NALF1: variants seen among roughly 807,000 people sequenced by gnomAD.
The protein encoded by NALF1 is NALCN channel auxiliary factor 1, also known as family with sequence similarity 155 member A.
In NALF1, 3 loss-of-function variants were observed where a neutral mutation model predicts 48.4. The ratio of observed to expected loss-of-function variants is 0.06; its 90% CI spans 0.03 to 0.16. The LOEUF (loss-of-function observed/expected upper bound fraction) is 0.16, where lower values mean the gene tolerates loss of function less well. Ranked by LOEUF, NALF1 falls within the 10% of genes least tolerant of loss-of-function variation. NALF1 has a pLI of 1.00. For missense variants in NALF1, 526 were observed against 571.5 expected, an observed-to-expected ratio of 0.92 and a Z score of 0.81; for synonymous variants, 262 against 245.7, an observed-to-expected ratio of 1.07 and a Z score of -0.62.
At chr13:107,662,614 A>T (rs555021189) in intron 1 of NALF1, among the ~76,000 whole-genome samples, 1 of 152,216 alleles carries the variant, frequency 6.6e-6, no homozygotes, top group Non-Finnish European at 1.5e-5. Flanking sequence ...CAAGAACCAC[A>T]TCCATTAAAA....
intron 1 of NALF1, among the ~76,000 whole-genome samples, chr13:107,738,241 A>G (rs1207269698): frequency 6.6e-6 from 1 of 152,230 alleles, no homozygotes; most frequent in Non-Finnish European, 1.5e-5. Context: ...GAGGTGACCG[A>G]AAACACTTTC....
At chr13:107,796,733 C>T (rs2138592245) in intron 1 of NALF1, among the ~76,000 whole-genome samples, 1 of 152,184 alleles carries the variant, frequency 6.6e-6, no homozygotes, top group Middle Eastern at 3.4e-3. Flanking sequence ...CCCATTCCAA[C>T]TTATTCTCCA....
chr13:107,827,183 T>G (rs1414819858), intron 1 of NALF1, among the ~76,000 whole-genome samples: 1 of 152,328 alleles, frequency 6.6e-6, no homozygotes, highest in Admixed American at 6.5e-5. Flanking sequence ...CAAATCAATA[T>G]TATTTGAGTC....
At chr13:107,772,014 C>A (rs1336403227) in intron 1 of NALF1, among the ~76,000 whole-genome samples, 2 of 152,128 alleles carry the variant, frequency 1.3e-5, no homozygotes, top group African/African-American at 4.8e-5. Flanking sequence ...GGGTTACAGA[C>A]ATGAGAACAA....
chr13:107,830,430 A>G (rs1054375066), intron 1 of NALF1, among the ~76,000 whole-genome samples: 2 of 152,192 alleles, frequency 1.3e-5, no homozygotes, highest in African/African-American at 4.8e-5. Context: ...CAATCGCTCC[A>G]TATCCCTGCC....
Position 107,187,742 on chromosome 13 carries a change from T to C in NALF1, c.1088-16956A>G, listed in dbSNP as rs139958858. Among the ~76,000 whole-genome samples the C allele has an allele frequency of 5.7e-3, 873 of 152,340 alleles. 3 individuals carry two copies. The highest frequency in any genetic ancestry group is 8.9e-3 in the Non-Finnish European group (604 of 68,032). ...CTCAGTAATTCCCCCAAACAAATCC[T>C]GATCACCCATGGGTCCTATGGGAAG... On this transcript the variant is annotated intron_variant, in intron 2 of 2. Coordinates refer to ENST00000375915, the MANE Select transcript of NALF1 (RefSeq NM_001080396.3).
chr13:107,537,548 C>T (rs531146340), intron 1 of NALF1, among the ~76,000 whole-genome samples: 114 of 152,132 alleles, frequency 7.5e-4, no homozygotes, highest in Admixed American at 2.1e-3. Flanking sequence ...ATACAGTTGT[C>T]GTCTTATATC....
chr13:107,851,150 T>A (rs1370225033), intron 1 of NALF1, among the ~76,000 whole-genome samples: 1 of 152,180 alleles, frequency 6.6e-6, no homozygotes, highest in Non-Finnish European at 1.5e-5. Flanking sequence ...TCAAGTGGAA[T>A]CTTCTCTCTT....
At chr13:107,234,103 C>T (rs1240993877) in intron 1 of NALF1, among the ~76,000 whole-genome samples, 1 of 152,164 alleles carries the variant, frequency 6.6e-6, no homozygotes, top group Non-Finnish European at 1.5e-5. Flanking sequence ...AAATTAAATA[C>T]TAGGGCCAGT....
rs114459832 is a variant in NALF1, at chr13:107,340,558, C to T, written c.916-129803G>A. Among the ~76,000 whole-genome samples the T allele has an allele frequency of 8.5e-3, 1,253 of 147,934 alleles. 19 individuals carry two copies. Among genetic ancestry groups the T allele is most frequent in the African/African-American group, 0.03 (1,183 of 39,822 alleles). ...TTTAATATCAAGCTAGAAAATAAAA[C>T]GTGAAAGGAAGAAGGGATTTACAGG... On this transcript the variant is annotated intron_variant, in intron 1 of 2. Coordinates refer to ENST00000375915, the MANE Select transcript of NALF1 (RefSeq NM_001080396.3).
chr13:107,515,878 T>C (rs1012617751), intron 1 of NALF1, among the ~76,000 whole-genome samples: 1 of 152,174 alleles, frequency 6.6e-6, no homozygotes, highest in Non-Finnish European at 1.5e-5. Context: ...GGTAGCTTCA[T>C]TGTTTTAGAA....
At chr13:107,499,036 C>T (rs1875429699) in intron 1 of NALF1, among the ~76,000 whole-genome samples, 2 of 152,054 alleles carry the variant, frequency 1.3e-5, no homozygotes, top group African/African-American at 4.8e-5. Flanking sequence ...CACATAAACA[C>T]AATGCAGCTT....
At chr13:107,674,900 G>A (rs2138489040) in intron 1 of NALF1, among the ~76,000 whole-genome samples, 1 of 152,206 alleles carries the variant, frequency 6.6e-6, no homozygotes, top group Non-Finnish European at 1.5e-5. Flanking sequence ...GCGACTCAAA[G>A]GTCAGATTCT....
At chr13:107,732,597 C>T (rs1876340360) in intron 1 of NALF1, among the ~76,000 whole-genome samples, 2 of 152,078 alleles carry the variant, frequency 1.3e-5, no homozygotes, top group Admixed American at 1.3e-4. Flanking sequence ...ATGGGAATAA[C>T]CACATCGTTA....
intron 1 of NALF1, among the ~76,000 whole-genome samples, chr13:107,820,356 C>A (rs926589480): frequency 6.6e-6 from 1 of 152,192 alleles, no homozygotes; most frequent in African/African-American, 2.4e-5. Context: ...GCATGACTAT[C>A]TCCAATTGCC....
intron 1 of NALF1, among the ~76,000 whole-genome samples, chr13:107,290,379 T>C (rs933331924): frequency 6.6e-6 from 1 of 152,124 alleles, no homozygotes; most frequent in Admixed American, 6.5e-5. Flanking sequence ...TCATCTTGAA[T>C]TGTAGTTCAC....
At chr13:107,842,843 A>G (rs1414809077) in intron 1 of NALF1, among the ~76,000 whole-genome samples, 1 of 151,960 alleles carries the variant, frequency 6.6e-6, no homozygotes, top group African/African-American at 2.4e-5. Flanking sequence ...ATCTTGGCAA[A>G]TCTCTGGGAA....
chr13:107,826,192 A>G lies in NALF1; in HGVS notation c.915+39490T>C, dbSNP rs373022556. Among the ~76,000 whole-genome samples, 7 of 152,380 alleles carry G rather than the reference A, an allele frequency of 4.6e-5. No homozygotes were observed. In the South Asian group the frequency reaches 1.4e-3, roughly 32 times the overall value. ...ATCTTAGACTGAGGAAAAGCAGAGA[A>G]AGAGACGGAACATTCATTTGAGATC... On this transcript the variant is annotated intron_variant, in intron 1 of 2. Coordinates refer to ENST00000375915, the MANE Select transcript of NALF1 (RefSeq NM_001080396.3).
chr13:107,638,459 C>T (rs1880052212), intron 1 of NALF1, among the ~76,000 whole-genome samples: 1 of 152,080 alleles, frequency 6.6e-6, no homozygotes, highest in South Asian at 2.1e-4. Context: ...CTGGACACCA[C>T]TCAAGGTGCT....
Sources: gnomAD v4.1 joint callset for allele counts (sites outside exome capture counted in the v4.1 genomes callset) on GRCh38, gnomAD v4.1.1 for gene constraint, MANE v1.5 for transcripts, NCBI Gene and HGNC (gene_info 2026-07-23, HGNC 2026-07-21) for gene names.